USP34: variants seen among roughly 807,000 people sequenced by gnomAD.
USP34 encodes the protein ubiquitin specific peptidase 34.
In USP34, 70 loss-of-function variants were observed where a neutral mutation model predicts 460.3. That is an observed-to-expected ratio of 0.15 (90% CI 0.13 to 0.19). The LOEUF is 0.19. USP34 is among the 10% of genes least tolerant of loss of function. The pLI, the probability that USP34 is intolerant of heterozygous loss-of-function variation, is 1.00. For missense variants in USP34, 3,985 were observed against 4,236.2 expected, an observed-to-expected ratio of 0.94 and a Z score of 1.65; for synonymous variants, 1,647 against 1,405.3, an observed-to-expected ratio of 1.17 and a Z score of -3.85.
chr2:61,330,438 C>G (rs1558533441), intron 20 of USP34, among the ~76,000 whole-genome samples: 1 of 152,154 alleles, frequency 6.6e-6, no homozygotes, highest in African/African-American at 2.4e-5. Flanking sequence ...AGAGAAGTAA[C>G]TGATTTGTGC....
intron 62 of USP34, among the ~76,000 whole-genome samples, chr2:61,226,312 A>G (rs1687724248): frequency 6.6e-6 from 1 of 152,246 alleles, no homozygotes; most frequent in African/African-American, 2.4e-5. Flanking sequence ...GCCACTCTGC[A>G]TATGCACACG....
chr2:61,397,440 C>G (rs537210005), intron 3 of USP34, among the ~76,000 whole-genome samples: 8 of 96,972 alleles, frequency 8.2e-5, no homozygotes, highest in African/African-American at 2.9e-4. Context: ...GAGGCTCCAT[C>G]TAAAAAAAAA....
rs1686516392 is a variant in USP34 at position 61,188,450 on chromosome 2, C to T, written c.10293G>A (p.Arg3431=). 6.2e-7 allele frequency: 1 copy of T among 1,614,048 alleles called. No homozygotes were observed. The highest frequency in any genetic ancestry group is 1.3e-5 in the African/African-American group (1 of 74,924). Residue 3431 remains arginine (R), a synonymous_variant, in exon 80 of 80, where the codon AGG becomes AGA. Coordinates refer to ENST00000398571, the MANE Select transcript of USP34 (RefSeq NM_014709.4). ...SSFSEDMSNI[R]SQHAEEQSNN... ...TGGACTGTTCTTCTGCATGCTGTGA[C>T]CTGATATTTGACATGTCTTCTGAAA...
intron 67 of USP34, among the ~76,000 whole-genome samples, chr2:61,218,049 A>T (rs1219030512): frequency 2.0e-5 from 3 of 152,184 alleles, no homozygotes; most frequent in Admixed American, 2.0e-4. Context: ...ACTGCCTTTC[A>T]TAAGAATAAT....
chr2:61,207,228 A>G (rs1201974676), intron 70 of USP34: 1 of 169,392 alleles, frequency 5.9e-6, no homozygotes. Context: ...CAACTGCTTT[A>G]ACCAACTTTC....
chr2:61,349,430 GT>G (rs1339812542), intron 12 of USP34, 145 bp from the exon 13 acceptor site: 1 of 713,890 alleles, frequency 1.4e-6, no homozygotes, highest in Non-Finnish European at 2.2e-6. Context: ...ACCTACAGTA[GT>G]TGTTGGGGGT....
intron 2 of USP34, among the ~76,000 whole-genome samples, chr2:61,413,476 G>A (rs1419280030): frequency 6.7e-6 from 1 of 149,460 alleles, no homozygotes; most frequent in African/African-American, 2.5e-5. Context: ...GGAGGCCAAG[G>A]CGGGTGGACT....
At chr2:61,266,906 C>T (rs1689065768) in intron 41 of USP34, among the ~76,000 whole-genome samples, 1 of 152,164 alleles carries the variant, frequency 6.6e-6, no homozygotes, top group Non-Finnish European at 1.5e-5. Context: ...AACAGTGGCT[C>T]ACTGTGCCTA....
intron 67 of USP34, among the ~76,000 whole-genome samples, chr2:61,220,019 T>G (rs1261474284): frequency 6.6e-6 from 1 of 151,836 alleles, no homozygotes; most frequent in Non-Finnish European, 1.5e-5. Context: ...AAAAGTTACT[T>G]TTAAGACAGG....
chr2:61,291,958 C>A (rs191486991), intron 33 of USP34, among the ~76,000 whole-genome samples: 1 of 152,050 alleles, frequency 6.6e-6, no homozygotes, highest in Non-Finnish European at 1.5e-5. Flanking sequence ...AAACCAGTCA[C>A]GATGGACCAT....
chr2:61,402,134 G>C (rs539580394), intron 3 of USP34, among the ~76,000 whole-genome samples: 18 of 151,960 alleles, frequency 1.2e-4, no homozygotes, highest in Admixed American at 3.9e-4. Flanking sequence ...AATAAACTTA[G>C]CCAGGCACTG....
At chr2:61,263,424 G>A (rs547847169) in intron 43 of USP34, among the ~76,000 whole-genome samples, 51 of 151,134 alleles carry the variant, frequency 3.4e-4, no homozygotes, top group Non-Finnish European at 4.0e-4. Flanking sequence ...CAGGTGATCC[G>A]CCCGCCTCGG....
At chr2:61,202,224 C>T (rs17006972) in intron 75 of USP34, among the ~76,000 whole-genome samples, 25,203 of 152,096 alleles carry the variant, frequency 0.17, 2,733 homozygotes, top group African/African-American at 0.3. Context: ...GTATCAAAAC[C>T]TTTTCCATAG....
rs574782632 is a variant in USP34, at chr2:61,339,654, T to C, written c.2528A>G (p.Asn843Ser). The C allele has an allele frequency of 1.1e-5, 17 of 1,544,976 alleles. No individual in the cohort carries two copies. In the East Asian group the frequency reaches 1.9e-4, roughly 17 times the overall value. Residue 843 changes from asparagine (N) to serine (S), a missense_variant, in exon 17 of 80, where the codon AAC becomes AGC. By Grantham distance (46) the Asn-to-Ser change is conservative. This residue lies in a region of USP34 where 716 missense variants were observed against 626.2 expected (regional missense o/e 1.14). Coordinates refer to ENST00000398571, the MANE Select transcript of USP34 (RefSeq NM_014709.4). ...ATTAATGTCTGTAACAGCATTACTG[T>C]TGAATTGATGTTTATGAACTACAGG... Reference protein sequence around the residue: ...QGPVVHKHQFNSNAVTDINLD... With the variant: ...QGPVVHKHQFSSNAVTDINLD...
chr2:61,423,125 T>TG (rs1377724626), intron 1 of USP34, among the ~76,000 whole-genome samples: 1 of 152,230 alleles, frequency 6.6e-6, no homozygotes, highest in African/African-American at 2.4e-5. Flanking sequence ...TTTAAATTTT[T>TG]GGTTTTTTGA....
chr2:61,287,272 G>A (rs758479114), intron 34 of USP34, among the ~76,000 whole-genome samples: 1 of 152,198 alleles, frequency 6.6e-6, no homozygotes, highest in East Asian at 1.9e-4. Context: ...GATGTTTCTT[G>A]GGTAGACACG....
intron 1 of USP34, among the ~76,000 whole-genome samples, chr2:61,469,463 T>C (rs756708815): frequency 6.6e-6 from 1 of 152,168 alleles, no homozygotes; most frequent in African/African-American, 2.4e-5. Context: ...ACACAAATAC[T>C]GGAACCTCTA....
At chr2:61,461,462 AAAT>A in intron 1 of USP34, among the ~76,000 whole-genome samples, 1 of 152,298 alleles carries the variant, frequency 6.6e-6, no homozygotes, top group Admixed American at 6.5e-5. Flanking sequence ...ACAATTCATT[AAAT>A]AACAAAAATA....
intron 2 of USP34, among the ~76,000 whole-genome samples, 159 bp from the exon 3 acceptor site, chr2:61,406,287 GCAA>G (rs1693867785): frequency 6.6e-6 from 1 of 151,714 alleles, no homozygotes; most frequent in African/African-American, 2.4e-5. Context: ...AGATAGCATC[GCAA>G]CAACAACTGA....
Sources: allele counts gnomAD v4.1 joint callset (sites outside exome capture counted in the v4.1 genomes callset), GRCh38; gene constraint gnomAD v4.1.1; regional missense constraint gnomAD v4.1.1; transcripts MANE v1.5; gene names NCBI Gene and HGNC (gene_info 2026-07-23, HGNC 2026-07-21).